Variants in MGAT4C observed in about 807,000 individuals in gnomAD.
The protein encoded by MGAT4C is MGAT4 family member C, also known as alpha-1,3-mannosyl-glycoprotein 4-beta-N-acetylglucosaminyltransferase C.
MGAT4C carries 19 observed loss-of-function variants against 40.1 expected under a neutral mutation model. That is an observed-to-expected ratio of 0.47 (90% CI 0.33 to 0.70). The LOEUF (loss-of-function observed/expected upper bound fraction) is 0.70, where lower values mean the gene tolerates loss of function less well. Among genes scored for constraint, MGAT4C ranks in the 30% least tolerant of loss-of-function variants. The pLI, the probability that MGAT4C is intolerant of heterozygous loss-of-function variation, is 0.02. For missense variants in MGAT4C, 491 were observed against 563.2 expected (o/e 0.87, Z 1.30); for synonymous variants, 181 against 187.1 (o/e 0.97, Z 0.27).
intron 1 of MGAT4C, among the ~76,000 whole-genome samples, chr12:86,831,120 CT>C (rs914465581): frequency 1.5e-4 from 22 of 151,646 alleles, no homozygotes; most frequent in African/African-American, 5.3e-4. Flanking sequence ...AAGAGTATAC[CT>C]TTTTTCAATA....
chr12:86,404,345 G>A (rs1210405673), intron 3 of MGAT4C, among the ~76,000 whole-genome samples: 2 of 152,116 alleles, frequency 1.3e-5, no homozygotes, highest in Non-Finnish European at 2.9e-5. Context: ...CGTAGACCTG[G>A]TACATGTTAC....
rs189604645 is a variant in MGAT4C, at chr12:86,719,765, T to A, written c.-229+7444A>T. Among the ~76,000 whole-genome samples, 837 of 152,316 alleles carry A rather than the reference T, an allele frequency of 5.5e-3. 3 individuals are homozygous for A. The highest frequency in any genetic ancestry group is 8.9e-3 in the Non-Finnish European group (604 of 68,030). On this transcript the variant is annotated intron_variant, in intron 2 of 7. Coordinates refer to the MGAT4C transcript ENST00000548651. ...TCCCTGTTCTTGCATTCCCACCTGA[T>A]AAAATTTCTTTAAAACTATGTGGGT...
intron 3 of MGAT4C, among the ~76,000 whole-genome samples, chr12:86,383,346 G>A (rs1469037152): frequency 6.6e-6 from 1 of 151,996 alleles, no homozygotes; most frequent in South Asian, 2.1e-4. Context: ...GAGGTCAAGA[G>A]ATCGAGACCA....
intron 1 of MGAT4C, among the ~76,000 whole-genome samples, chr12:86,217,467 A>C (rs1349726615): frequency 6.6e-6 from 1 of 152,278 alleles, no homozygotes; most frequent in African/African-American, 2.4e-5. Context: ...CTTATCACAA[A>C]GAGAGGCTAA....
intron 1 of MGAT4C, among the ~76,000 whole-genome samples, chr12:86,164,220 C>T (rs1373189334): frequency 1.3e-5 from 2 of 152,134 alleles, no homozygotes; most frequent in Non-Finnish European, 2.9e-5. Context: ...AGACTTATGT[C>T]TACCAGGCTG....
intron 2 of MGAT4C, among the ~76,000 whole-genome samples, chr12:86,609,818 C>T (rs917987194): frequency 1.3e-5 from 2 of 151,212 alleles, no homozygotes; most frequent in East Asian, 1.9e-4. Flanking sequence ...CAAACAAGGC[C>T]GTAGACATTT....
chr12:86,787,650 G>C (rs1951955472), intron 1 of MGAT4C, among the ~76,000 whole-genome samples: 1 of 152,080 alleles, frequency 6.6e-6, no homozygotes, highest in African/African-American at 2.4e-5. Flanking sequence ...TGGAGAAAAG[G>C]GATTGGTCAT....
At chr12:86,808,667 A>G (rs780390296) in intron 1 of MGAT4C, among the ~76,000 whole-genome samples, 4 of 152,062 alleles carry the variant, frequency 2.6e-5, no homozygotes, top group Non-Finnish European at 4.4e-5. Context: ...CACAGCCAAT[A>G]TCATACTGAA....
chr12:86,362,672 G>A (rs529989219), intron 3 of MGAT4C, among the ~76,000 whole-genome samples: 4 of 151,724 alleles, frequency 2.6e-5, no homozygotes, highest in South Asian at 2.1e-4. Context: ...GACCATCCTC[G>A]CTAACACAGT....
At chr12:86,078,933 T>C (rs1055801176) in intron 1 of MGAT4C, among the ~76,000 whole-genome samples, 3 of 152,214 alleles carry the variant, frequency 2.0e-5, no homozygotes, top group Admixed American at 6.5e-5. Flanking sequence ...TACTTTTATG[T>C]ATAGAAGTTA....
chr12:86,315,666 C>CTT, intron 4 of MGAT4C, among the ~76,000 whole-genome samples: 1 of 151,896 alleles, frequency 6.6e-6, no homozygotes, highest in East Asian at 1.9e-4. Context: ...AGATCGCGCC[C>CTT]CTGCACTCCA....
At chr12:86,646,469 A>T (rs539269616) in intron 2 of MGAT4C, among the ~76,000 whole-genome samples, 6 of 151,940 alleles carry the variant, frequency 3.9e-5, no homozygotes, top group Non-Finnish European at 8.8e-5. Context: ...GATTTCAAAA[A>T]TCCAGAAACA....
chr12:86,548,597 G>A (rs951308978), intron 2 of MGAT4C, among the ~76,000 whole-genome samples: 1 of 152,084 alleles, frequency 6.6e-6, no homozygotes, highest in Admixed American at 6.6e-5. Context: ...AACATTTTAG[G>A]CAAAATCTAA....
At chr12:86,509,650 G>T (rs1027462225) in intron 2 of MGAT4C, among the ~76,000 whole-genome samples, 2 of 152,136 alleles carry the variant, frequency 1.3e-5, no homozygotes, top group South Asian at 4.1e-4. Flanking sequence ...ATTACCTTGG[G>T]CAGTATGGCC....
intron 2 of MGAT4C, among the ~76,000 whole-genome samples, chr12:86,660,596 A>G (rs1237683553): frequency 2.0e-5 from 3 of 152,166 alleles, no homozygotes; most frequent in Non-Finnish European, 4.4e-5. Context: ...GCTAGCAGAG[A>G]ATTGCTAGGT....
chr12:86,158,080 G>C (rs772875447), intron 1 of MGAT4C, among the ~76,000 whole-genome samples: 1 of 152,068 alleles, frequency 6.6e-6, no homozygotes, highest in Non-Finnish European at 1.5e-5. Flanking sequence ...TATTGAAAAC[G>C]ATACATTTAG....
At chr12:86,342,377 G>A (rs146822785) in intron 3 of MGAT4C, among the ~76,000 whole-genome samples, 4 of 152,248 alleles carry the variant, frequency 2.6e-5, no homozygotes, top group African/African-American at 9.6e-5. Context: ...TATCAAGACA[G>A]TACCAACTCA....
chr12:86,651,714 T>A (rs879584775), intron 2 of MGAT4C, among the ~76,000 whole-genome samples: 17 of 151,832 alleles, frequency 1.1e-4, no homozygotes, highest in Non-Finnish European at 2.2e-4. Context: ...ATCACTTTTT[T>A]AAAAAAGGTG....
chr12:86,028,233 T>C, intron 2 of MGAT4C: 1 of 1,220,546 alleles, frequency 8.2e-7, no homozygotes, highest in Non-Finnish European at 1.1e-6. Context: ...TCAAAATCTT[T>C]TTCATTATTA....
Sources: gnomAD v4.1 joint callset for allele counts (sites outside exome capture counted in the v4.1 genomes callset) on GRCh38, gnomAD v4.1.1 for gene constraint, MANE v1.5 for transcripts, NCBI Gene and HGNC (gene_info 2026-07-23, HGNC 2026-07-21) for gene names.